Variants in ADCY8 observed in about 807,000 individuals in gnomAD.
ADCY8 encodes the protein adenylate cyclase type 8.
ADCY8 carries 51 observed loss-of-function variants against 119.7 expected under a neutral mutation model. The ratio of observed to expected loss-of-function variants is 0.43; its 90% CI spans 0.34 to 0.54. The LOEUF (loss-of-function observed/expected upper bound fraction) is 0.54. ADCY8 is among the 20% of genes least tolerant of loss of function. ADCY8 has a pLI of 0.03. For synonymous variants in ADCY8, 665 were observed against 651.0 expected (o/e 1.02, Z -0.33); for missense variants, 1,383 against 1,598.8 (o/e 0.87, Z 2.30).
chr8:130,808,899 CCT>C (rs1816070330), intron 14 of ADCY8, among the ~76,000 whole-genome samples: 2 of 36,958 alleles, frequency 5.4e-5, no homozygotes, highest in Non-Finnish European at 7.9e-5. Flanking sequence ...TTCAACAACT[CCT>C]CATAAAGCCA....
At chr8:130,834,026 T>G (rs1816914431) in intron 12 of ADCY8, among the ~76,000 whole-genome samples, 1 of 152,142 alleles carries the variant, frequency 6.6e-6, no homozygotes, top group South Asian at 2.1e-4. Context: ...ACTTGAAAAT[T>G]GCTAAGAGAG....
At chr8:130,899,342 A>C (rs1424808036) in intron 7 of ADCY8, among the ~76,000 whole-genome samples, 1 of 152,146 alleles carries the variant, frequency 6.6e-6, no homozygotes, top group Non-Finnish European at 1.5e-5. Flanking sequence ...GCAGTGGCTC[A>C]AGCCTGTAAT....
At chr8:130,807,599 G>A (rs942632514) in intron 14 of ADCY8, among the ~76,000 whole-genome samples, 13 of 152,190 alleles carry the variant, frequency 8.5e-5, no homozygotes, top group African/African-American at 2.9e-4. Flanking sequence ...GCAGAAACAA[G>A]GGCCCACACC....
At chr8:130,787,835 T>C (rs1482907187) in intron 15 of ADCY8, among the ~76,000 whole-genome samples, 4 of 151,974 alleles carry the variant, frequency 2.6e-5, no homozygotes, top group Non-Finnish European at 5.9e-5. Context: ...CATCCACATG[T>C]GTGCATTTGT....
intron 1 of ADCY8, among the ~76,000 whole-genome samples, chr8:131,000,865 CT>C (rs1184178344): frequency 2.6e-5 from 4 of 152,018 alleles, no homozygotes; most frequent in African/African-American, 9.7e-5. Flanking sequence ...TGCGCGTTGT[CT>C]GCAGGCCTTT....
intron 7 of ADCY8, among the ~76,000 whole-genome samples, chr8:130,890,953 A>C (rs1053240117): frequency 5.3e-5 from 8 of 152,172 alleles, no homozygotes; most frequent in Admixed American, 2.6e-4. Context: ...TGATATGGAA[A>C]AGACCTAGCG....
chr8:131,006,056 A>T (rs1823107769), intron 1 of ADCY8, among the ~76,000 whole-genome samples: 1 of 152,156 alleles, frequency 6.6e-6, no homozygotes, highest in Non-Finnish European at 1.5e-5. Context: ...TGTCACACAC[A>T]CACACGCACA....
chr8:130,989,642 TG>T (rs1822513827), intron 2 of ADCY8, among the ~76,000 whole-genome samples: 1 of 152,224 alleles, frequency 6.6e-6, no homozygotes, highest in Non-Finnish European at 1.5e-5. Flanking sequence ...ATATTCCTCC[TG>T]GAAAATTGTG....
chr8:130,797,404 T>A (rs1230765994), intron 15 of ADCY8, among the ~76,000 whole-genome samples: 2 of 152,228 alleles, frequency 1.3e-5, no homozygotes, highest in African/African-American at 4.8e-5. Flanking sequence ...CAGATATTTT[T>A]AATAGGGTAA....
At chr8:131,021,087 AAT>A (rs1443534566) in intron 1 of ADCY8, among the ~76,000 whole-genome samples, 4 of 152,162 alleles carry the variant, frequency 2.6e-5, no homozygotes, top group Admixed American at 2.6e-4. Flanking sequence ...AAAAATAGTT[AAT>A]GTTAATTTAT....
chr8:130,792,903 C>G (rs1357213839), intron 15 of ADCY8, among the ~76,000 whole-genome samples: 1 of 152,192 alleles, frequency 6.6e-6, no homozygotes, highest in Admixed American at 6.5e-5. Context: ...ATATTTGGCA[C>G]TCTGGCCCTT....
chr8:130,913,547 T>C (rs531383150), intron 5 of ADCY8, among the ~76,000 whole-genome samples: 1 of 152,290 alleles, frequency 6.6e-6, no homozygotes, highest in African/African-American at 2.4e-5. Flanking sequence ...CCACAGTCTT[T>C]AAAATTTTTT....
intron 7 of ADCY8, among the ~76,000 whole-genome samples, chr8:130,894,591 G>A (rs1457425199): frequency 6.6e-6 from 1 of 152,148 alleles, no homozygotes; most frequent in African/African-American, 2.4e-5. Flanking sequence ...CACAACAGTA[G>A]TTTGGGAATC....
chr8:130,803,297 G>C lies in ADCY8; in HGVS notation c.2914-2725C>G, dbSNP rs539284115. On this transcript the variant is annotated intron_variant, in intron 14 of 17. Coordinates refer to ENST00000286355, the MANE Select transcript of ADCY8 (RefSeq NM_001115.3). Reference sequence around the variant, plus strand: ...CCACGACTTCCACAAGTCACAGAGGGGGTTTAGAGGCTGCACTTGGTGCTT... The same window carrying C: ...CCACGACTTCCACAAGTCACAGAGGCGGTTTAGAGGCTGCACTTGGTGCTT... Among the ~76,000 whole-genome samples, 9 of 152,256 alleles carry C rather than the reference G, an allele frequency of 5.9e-5. No individual in the cohort carries two copies. The East Asian group carries it at 1.7e-3, about 29-fold the overall frequency.
intron 17 of ADCY8, 112 bp downstream of exon 17, chr8:130,783,579 C>A: frequency 1.5e-6 from 1 of 677,554 alleles, no homozygotes; most frequent in Non-Finnish European, 2.6e-6. Context: ...CATGCTAGAT[C>A]TATTGCATTT....
intron 9 of ADCY8, among the ~76,000 whole-genome samples, chr8:130,862,446 T>G (rs1268419993): frequency 6.6e-6 from 1 of 152,186 alleles, no homozygotes; most frequent in African/African-American, 2.4e-5. Context: ...AGACCGAGTC[T>G]CACTCTCCCA....
Position 130,957,549 on chromosome 8 carries a change from G to A in ADCY8, c.1111-5551C>T, listed in dbSNP as rs141184170. 7.1e-3 allele frequency among the ~76,000 whole-genome samples: 1,088 copies of A among 152,288 alleles called. 16 individuals are homozygous for A. The highest frequency in any genetic ancestry group is 0.024 in the African/African-American group (1,008 of 41,538). Reference sequence around the variant, plus strand: ...TGCAGAAATTTGCATAAGTAACGAGGAGCTGAATGTTAATCCCCAGGACAA... The same window carrying A: ...TGCAGAAATTTGCATAAGTAACGAGAAGCTGAATGTTAATCCCCAGGACAA... On this transcript the variant is annotated intron_variant, in intron 2 of 17. Transcript: ENST00000286355.
intron 1 of ADCY8, among the ~76,000 whole-genome samples, chr8:131,022,496 C>T (rs569950147): frequency 1.3e-5 from 2 of 152,190 alleles, no homozygotes; most frequent in South Asian, 4.2e-4. Flanking sequence ...TGTATATGTG[C>T]CAAATTTTCT....
At chr8:130,877,901 C>A (rs529764813) in intron 8 of ADCY8, among the ~76,000 whole-genome samples, 1 of 152,104 alleles carries the variant, frequency 6.6e-6, no homozygotes, top group South Asian at 2.1e-4. Flanking sequence ...CGGTTGGAAC[C>A]CTGGTACCCT....
Sources: gnomAD v4.1 joint callset for allele counts (sites outside exome capture counted in the v4.1 genomes callset) on GRCh38, gnomAD v4.1.1 for gene constraint, MANE v1.5 for transcripts, NCBI Gene and HGNC (gene_info 2026-07-23, HGNC 2026-07-21) for gene names.